Variants in APOL1 observed in about 807,000 individuals in gnomAD.
APOL1 encodes apolipoprotein L1.
APOL1 carries 17 observed loss-of-function variants against 14.9 expected under a neutral mutation model. The ratio of observed to expected loss-of-function variants is 1.14; its 90% CI spans 0.78 to 1.71. The LOEUF (loss-of-function observed/expected upper bound fraction) is 1.71. Among genes scored for constraint, APOL1 ranks in the 40% most tolerant of loss-of-function variants. The pLI is 0.00. For synonymous variants in APOL1, 195 were observed against 184.8 expected (o/e 1.05, Z -0.45); for missense variants, 523 against 485.9 (o/e 1.08, Z -0.72).
intron 1 of APOL1, chr22:36,253,691 A>T (rs1263649299): frequency 1.9e-6 from 1 of 532,630 alleles, no homozygotes; most frequent in East Asian, 3.1e-5. Context: ...ACCCACCCTG[A>T]GTCTGAGCAC....
Position 36,265,805 on chromosome 22 carries a change from A to G in APOL1, c.969A>G (p.Glu323=), listed in dbSNP as rs887099521. The G allele has an allele frequency of 6.2e-7, 1 of 1,614,084 alleles. No individual in the cohort carries two copies. The highest frequency in any genetic ancestry group is 1.1e-5 in the South Asian group (1 of 91,068). The change falls in exon 6 of 6, where the codon GAA becomes GAG. Residue 323 remains glutamate, a synonymous_variant. Transcript: ENST00000397278. ...GTGAACAGGTGGAGAGGGTTAATGA[A>G]CCCAGCATCCTGGAAATGAGCAGAG... ...ESGEQVERVN[E]PSILEMSRGV... is the part of the protein sequence containing the mutation.
At chr22:36,259,472 A>G (rs547905812) in intron 4 of APOL1, among the ~76,000 whole-genome samples, 3 of 152,174 alleles carry the variant, frequency 2.0e-5, no homozygotes, top group African/African-American at 7.2e-5. Flanking sequence ...TGCCACGGCA[A>G]CCAAGTCAGC....
At position 36,265,770 on chromosome 22, in the gene APOL1, G is replaced by A; in HGVS notation, c.934G>A (p.Ala312Thr). Residue 312 changes from alanine to threonine, a missense_variant, in exon 6 of 6, where the codon GCT (alanine) becomes ACT (threonine). By Grantham distance (58) the Ala-to-Thr change is moderately conservative. Coordinates refer to ENST00000397278, the MANE Select transcript of APOL1 (RefSeq NM_003661.4). ...SRPRVTEPIS[A>T]ESGEQVERVN... is the part of the protein sequence containing the mutation. Reference sequence around the variant, plus strand: ...CCCCCGGGTCACTGAGCCAATCTCAGCTGAAAGCGGTGAACAGGTGGAGAG... The same window carrying A: ...CCCCCGGGTCACTGAGCCAATCTCAACTGAAAGCGGTGAACAGGTGGAGAG... 1 of 1,614,194 alleles carries A rather than the reference G, an allele frequency of 6.2e-7. No homozygotes were observed. The highest frequency in any genetic ancestry group is 8.5e-7 in the Non-Finnish European group (1 of 1,180,040).
At chr22:36,262,984 C>T (rs975913904) in intron 5 of APOL1, among the ~76,000 whole-genome samples, 4 of 152,228 alleles carry the variant, frequency 2.6e-5, no homozygotes, top group African/African-American at 4.8e-5. Flanking sequence ...AAATTCAGGT[C>T]TTTTCAGCAT....
At chr22:36,253,936 C>T in intron 1 of APOL1, 1 of 1,614,148 alleles carries the variant, frequency 6.2e-7, no homozygotes, top group Non-Finnish European at 8.5e-7. Context: ...AGAATGGTGC[C>T]TGTGGCATGA....
Position 36,265,749 on chromosome 22 carries a change from C to CG in APOL1, c.916dup (p.Val306GlyfsTer3), listed in dbSNP as rs1569534154. 6.2e-7 allele frequency: 1 copy of CG among 1,614,150 alleles called. No homozygotes were observed. Among genetic ancestry groups the CG allele is most frequent in the Non-Finnish European group, 8.5e-7 (1 of 1,180,020 alleles). ...ACCGCATGCCTCAGCCTCACGCCCC[C>CG]GGGTCACTGAGCCAATCTCAGCTGA... On this transcript the variant is annotated frameshift_variant, in exon 6 of 6. Coordinates refer to ENST00000397278, the MANE Select transcript of APOL1 (RefSeq NM_003661.4). LOFTEE classifies it low-confidence loss of function (END_TRUNC).
intron 5 of APOL1, among the ~76,000 whole-genome samples, chr22:36,264,238 C>T (rs2016161442): frequency 6.6e-6 from 1 of 152,192 alleles, no homozygotes; most frequent in Non-Finnish European, 1.5e-5. Flanking sequence ...TCCCTGAGGT[C>T]TAACCCCTTT....
At chr22:36,254,209 T>C (rs939960320) in intron 1 of APOL1, among the ~76,000 whole-genome samples, 1 of 152,114 alleles carries the variant, frequency 6.6e-6, no homozygotes, top group African/African-American at 2.4e-5. Flanking sequence ...AAAAACCTGA[T>C]AGAGCTGCCA....
chr22:36,257,184 C>T lies in APOL1; in HGVS notation c.98+48C>T, dbSNP rs542549965. On this transcript the variant is annotated intron_variant, in intron 3 of 5. Coordinates refer to ENST00000397278, the MANE Select transcript of APOL1 (RefSeq NM_003661.4). ...TGATGGGGGCTCAGTGATAGACAAA[C>T]AATCTGGTTTAGGTTGGTCTTGGTG... 1.2e-4 allele frequency: 193 copies of T among 1,612,908 alleles called. 3 individuals carry two copies. In the South Asian group the frequency reaches 1.9e-3, roughly 16 times the overall value.
chr22:36,258,009 T>G (rs1030673273), intron 4 of APOL1, among the ~76,000 whole-genome samples: 4 of 152,188 alleles, frequency 2.6e-5, no homozygotes, highest in African/African-American at 9.7e-5. Flanking sequence ...GAGAATAATA[T>G]TTCCCCATGT....
At chr22:36,257,188 C>T (rs767707479) in intron 3 of APOL1, 52 bp downstream of exon 3, 5 of 1,612,430 alleles carry the variant, frequency 3.1e-6, no homozygotes, top group Admixed American at 3.3e-5. Context: ...GACAAACAAT[C>T]TGGTTTAGGT....
chr22:36,258,820 G>A (rs1484552426), intron 4 of APOL1, among the ~76,000 whole-genome samples: 1 of 152,196 alleles, frequency 6.6e-6, no homozygotes, highest in African/African-American at 2.4e-5. Flanking sequence ...TGGAACGGCT[G>A]TGGTGCGGGT....
intron 2 of APOL1, among the ~76,000 whole-genome samples, chr22:36,256,070 C>T (rs149336068): frequency 3.3e-5 from 5 of 152,328 alleles, no homozygotes; most frequent in Middle Eastern, 3.4e-3. Context: ...CCTTCTCCTT[C>T]GTTCAGTGCT....
chr22:36,267,298 T>C lies in APOL1; in HGVS notation c.*1265T>C, dbSNP rs961900680. On this transcript the variant is annotated 3_prime_UTR_variant, in exon 6 of 6. Transcript: ENST00000397278. ...AAGGGCAGGTGGTGGGCCATGGCCA[T>C]GGTCCCCAGCTGAGGAGCAGGTGTC... is the stretch of plus-strand genomic sequence containing the variant. 1 of 152,296 alleles carries C rather than the reference T, an allele frequency of 6.6e-6. No individual in the cohort carries two copies. Among genetic ancestry groups the C allele is most frequent in the Non-Finnish European group, 1.5e-5 (1 of 68,128 alleles). The allele number at this position is 152,296 out of a possible 1,614,324, so 9.4% of individuals were successfully genotyped here.
At chr22:36,253,841 T>C in intron 1 of APOL1, 1 of 1,248,318 alleles carries the variant, frequency 8.0e-7, no homozygotes, top group South Asian at 1.2e-5. Flanking sequence ...TGTTCAGACT[T>C]CTGGGGTGAT....
Position 36,267,403 on chromosome 22 carries a change from A to T in APOL1, c.*1370A>T, listed in dbSNP as rs963709551. Reference sequence around the variant, plus strand: ...CCCATCGCTCTTACCCGGTAAGTAAACAGTCAGAAAATTAGCATGAAAGCA... The same window carrying T: ...CCCATCGCTCTTACCCGGTAAGTAATCAGTCAGAAAATTAGCATGAAAGCA... On this transcript the variant is annotated 3_prime_UTR_variant, in exon 6 of 6. Coordinates refer to ENST00000397278, the MANE Select transcript of APOL1 (RefSeq NM_003661.4). The T allele has an allele frequency of 6.6e-6, 1 of 152,276 alleles. No homozygotes were observed. The highest frequency in any genetic ancestry group is 2.4e-5 in the African/African-American group (1 of 41,460). The allele number at this position is 152,276 out of a possible 1,614,324, so 9.4% of individuals were successfully genotyped here.
Position 36,254,963 on chromosome 22 carries a change from G to C in APOL1, c.8G>C (p.Gly3Ala). ME[G>A]AALLRVSVLC... ...AGGAGGCCCTGCAGCGACATGGAGGGAGCTGCTTTGCTGAGAGTCTCTGTC... is the reference window on the plus strand; with the variant it reads ...AGGAGGCCCTGCAGCGACATGGAGGCAGCTGCTTTGCTGAGAGTCTCTGTC... The change falls in exon 2 of 6, where the codon GGA (glycine) becomes GCA (alanine). Residue 3 changes from glycine (G) to alanine (A), a missense_variant. Coordinates refer to ENST00000397278, the MANE Select transcript of APOL1 (RefSeq NM_003661.4). The C allele has an allele frequency of 6.2e-7, 1 of 1,614,146 alleles. No homozygotes were observed. The highest frequency in any genetic ancestry group is 2.2e-5 in the East Asian group (1 of 44,884).
intron 2 of APOL1, 60 bp downstream of exon 2, chr22:36,255,059 T>C (rs528069624): frequency 2.1e-5 from 33 of 1,567,792 alleles, no homozygotes; most frequent in Admixed American, 3.3e-5. Context: ...GCTGCACAAT[T>C]GGACTGGGCT....
chr22:36,255,145 G>C (rs1006907318), intron 2 of APOL1, 146 bp downstream of exon 2: 1 of 1,019,922 alleles, frequency 9.8e-7, no homozygotes, highest in Non-Finnish European at 1.5e-6. Flanking sequence ...CGGCAGACTC[G>C]CCCAGGGAGG....
Sources: gnomAD v4.1 joint callset for allele counts (sites outside exome capture counted in the v4.1 genomes callset) on GRCh38, gnomAD v4.1.1 for gene constraint, MANE v1.5 for transcripts, NCBI Gene and HGNC (gene_info 2026-07-23, HGNC 2026-07-21) for gene names.